Variants in ULK2 observed in about 807,000 individuals in gnomAD.
The protein encoded by ULK2 is serine/threonine-protein kinase ULK2.
A neutral mutation model predicts 127.5 loss-of-function variants in ULK2; 76 were observed. The observed-to-expected ratio is 0.60, with a 90% confidence interval of 0.50 to 0.72. ULK2 has a LOEUF of 0.72. ULK2 is among the 30% of genes least tolerant of loss of function. The pLI is 0.00. For synonymous variants in ULK2, 452 were observed against 461.9 expected (o/e 0.98, Z 0.28); for missense variants, 1,144 against 1,295.9 (o/e 0.88, Z 1.80).
At chr17:19,851,038 T>G (rs1254371859) in intron 3 of ULK2, among the ~76,000 whole-genome samples, 2 of 150,190 alleles carry the variant, frequency 1.3e-5, no homozygotes, top group African/African-American at 4.9e-5. Context: ...AATGGCCGGG[T>G]ACAGTGGCTC....
chr17:19,836,536 G>A (rs2041602014), intron 10 of ULK2, among the ~76,000 whole-genome samples: 2 of 150,890 alleles, frequency 1.3e-5, no homozygotes, highest in Admixed American at 1.3e-4. Context: ...GCTTGAACCT[G>A]GGAAGTTGCA....
At chr17:19,781,376 T>C (rs980165377) in intron 23 of ULK2, among the ~76,000 whole-genome samples, 9 of 151,412 alleles carry the variant, frequency 5.9e-5, no homozygotes, top group East Asian at 5.8e-4. Flanking sequence ...CGAATATTAA[T>C]AGTTGGGACC....
chr17:19,792,522 A>G (rs2087176630), intron 20 of ULK2, among the ~76,000 whole-genome samples: 1 of 152,234 alleles, frequency 6.6e-6, no homozygotes, highest in South Asian at 2.1e-4. Flanking sequence ...AAGAAAGTAA[A>G]TTTCTGTTCA....
intron 3 of ULK2, among the ~76,000 whole-genome samples, chr17:19,850,725 T>C (rs1261296631): frequency 6.6e-6 from 1 of 151,812 alleles, no homozygotes; most frequent in East Asian, 1.9e-4. Flanking sequence ...CTTGGGAGGC[T>C]GAGGCAGGAG....
intron 5 of ULK2, among the ~76,000 whole-genome samples, chr17:19,848,613 C>G (rs916818915): frequency 1.3e-5 from 2 of 151,994 alleles, no homozygotes. Context: ...CCTGTCTCTA[C>G]TAAAAATACA....
intron 12 of ULK2, among the ~76,000 whole-genome samples, chr17:19,824,008 C>A (rs2041226132): frequency 6.6e-6 from 1 of 152,120 alleles, no homozygotes; most frequent in African/African-American, 2.4e-5. Context: ...CCCTGAAGAA[C>A]CCTACGAGGT....
At position 19,781,279 on chromosome 17, in the gene ULK2, TC is replaced by T. The variant is rs1333670145; in HGVS notation, c.2640-176del. ...TTTTTTTTGACAGAGTCTTGCTCTG[TC>T]CCCCAGGCCGAAGTATAGTGGCTTG... On this transcript the variant is annotated intron_variant, in intron 23 of 26. Transcript: ENST00000395544. 4.0e-5 allele frequency among the ~76,000 whole-genome samples: 6 copies of T among 149,312 alleles called. No individual in the cohort carries two copies. The East Asian group carries it at 1.2e-3, about 29-fold the overall frequency.
intron 3 of ULK2, among the ~76,000 whole-genome samples, chr17:19,852,945 C>A (rs867401397): frequency 1.3e-5 from 2 of 151,788 alleles, no homozygotes; most frequent in Non-Finnish European, 2.9e-5. Flanking sequence ...CCACCGTGCA[C>A]GGCCAATTTT....
At chr17:19,780,174 GAA>G (rs1334582543) in intron 25 of ULK2, among the ~76,000 whole-genome samples, 2 of 86,432 alleles carry the variant, frequency 2.3e-5, no homozygotes, top group Admixed American at 1.1e-4. Context: ...TCCGTCTCAA[GAA>G]AAAAAAAAAA....
chr17:19,817,414 T>A (rs1368302865), intron 12 of ULK2, among the ~76,000 whole-genome samples: 1 of 152,036 alleles, frequency 6.6e-6, no homozygotes, highest in Non-Finnish European at 1.5e-5. Context: ...AATAGACAAA[T>A]CAGGAAGGGT....
Position 19,776,302 on chromosome 17 carries a change from G to A in ULK2, c.*47C>T, listed in dbSNP as rs776136896. 1.2e-5 allele frequency: 19 copies of A among 1,529,502 alleles called. No homozygotes were observed. Among genetic ancestry groups the A allele is most frequent in the Non-Finnish European group, 1.4e-5 (16 of 1,137,218 alleles). 94.7% of individuals were successfully genotyped at this position (1,529,502 alleles called of 1,614,324 possible). A position where few individuals can be genotyped will look rare whatever the true frequency, so the allele number is the denominator to read the frequency against. ...CAGAACTCAAGCTGTAATCCCAAAG[G>A]CATCACCTCACGTTCCCACCACCGG... On this transcript the variant is annotated 3_prime_UTR_variant, in exon 27 of 27. Coordinates refer to ENST00000395544, the MANE Select transcript of ULK2 (RefSeq NM_014683.4).
intron 20 of ULK2, among the ~76,000 whole-genome samples, chr17:19,790,026 T>C (rs1490547025): frequency 6.6e-6 from 1 of 151,474 alleles, no homozygotes; most frequent in African/African-American, 2.4e-5. Flanking sequence ...TACAATAACA[T>C]ATAAAGAGAA....
intron 12 of ULK2, among the ~76,000 whole-genome samples, chr17:19,822,852 A>C (rs1021664961): frequency 6.6e-6 from 1 of 151,722 alleles, no homozygotes; most frequent in Non-Finnish European, 1.5e-5. Flanking sequence ...ATGCCCAGCT[A>C]ATTTTTTGTA....
intron 14 of ULK2, among the ~76,000 whole-genome samples, chr17:19,810,123 C>G (rs375956907): frequency 6.7e-6 from 1 of 149,842 alleles, no homozygotes; most frequent in East Asian, 2.0e-4. Context: ...CCCAGCTACT[C>G]GGGAGGCTGA....
intron 23 of ULK2, among the ~76,000 whole-genome samples, chr17:19,781,421 T>A (rs2086918079): frequency 6.6e-6 from 1 of 151,992 alleles, no homozygotes; most frequent in Non-Finnish European, 1.5e-5. Flanking sequence ...CTAATTTTTG[T>A]ATTTTTTGTA....
intron 17 of ULK2, 90 bp downstream of exon 17, chr17:19,799,405 A>G: frequency 1.7e-6 from 2 of 1,150,006 alleles, no homozygotes; most frequent in Non-Finnish European, 2.4e-6. Flanking sequence ...TTTCATATCA[A>G]TTCTGTTCTT....
At chr17:19,815,974 C>A (rs1303913549) in intron 13 of ULK2, among the ~76,000 whole-genome samples, 1 of 152,200 alleles carries the variant, frequency 6.6e-6, no homozygotes, top group East Asian at 1.9e-4. Context: ...CTGCTGTGGT[C>A]CATGTTTTCC....
intron 3 of ULK2, among the ~76,000 whole-genome samples, chr17:19,863,292 T>C (rs1015822005): frequency 2.0e-5 from 3 of 151,938 alleles, no homozygotes; most frequent in African/African-American, 7.3e-5. Flanking sequence ...TAGAAATATA[T>C]ATGTAATAGG....
intron 10 of ULK2, among the ~76,000 whole-genome samples, chr17:19,834,023 T>C (rs1473658189): frequency 1.3e-5 from 2 of 152,100 alleles, no homozygotes; most frequent in East Asian, 3.9e-4. Flanking sequence ...ACAGTTAAAA[T>C]TGTTGAAAAT....
Sources: allele counts gnomAD v4.1 joint callset (sites outside exome capture counted in the v4.1 genomes callset), GRCh38; gene constraint gnomAD v4.1.1; transcripts MANE v1.5; gene names NCBI Gene and HGNC (gene_info 2026-07-23, HGNC 2026-07-21).